Variants in GTPBP6 observed in about 807,000 individuals in gnomAD.
GTPBP6 encodes the protein GTP binding protein 6, also known as putative GTP-binding protein 6.
GTPBP6 carries 33 observed loss-of-function variants against 28.9 expected under a neutral mutation model. The ratio of observed to expected loss-of-function variants is 1.14; its 90% CI spans 0.87 to 1.53. GTPBP6 has a LOEUF of 1.53. Among genes scored for constraint, GTPBP6 ranks in the 40% most tolerant of loss-of-function variants. The pLI, the probability that GTPBP6 is intolerant of heterozygous loss-of-function variation, is 0.00. For synonymous variants in GTPBP6, 231 were observed against 192.7 expected (o/e 1.20, Z -1.65); for missense variants, 507 against 408.3 (o/e 1.24, Z -2.08).
intron 9 of GTPBP6, among the ~76,000 whole-genome samples, chrX:306,165 A>G (rs1479519777): frequency 1.3e-5 from 2 of 152,004 alleles, no homozygotes; most frequent in Non-Finnish European, 2.9e-5. Context: ...TTGACTGTCA[A>G]GTGCAGATTA....
intron 9 of GTPBP6, among the ~76,000 whole-genome samples, chrX:306,731 T>C (rs992355961): frequency 5.4e-5 from 8 of 149,128 alleles, no homozygotes; most frequent in African/African-American, 1.7e-4. Context: ...GAAATGTACA[T>C]TTTGGCTGTC....
chrX:309,478 GA>G (rs1602957689), intron 7 of GTPBP6, among the ~76,000 whole-genome samples: 2 of 151,710 alleles, frequency 1.3e-5, no homozygotes, highest in Non-Finnish European at 2.9e-5. Flanking sequence ...GAAAGAAAGA[GA>G]TGTGGGGCAG....
chrX:311,538 C>T lies in GTPBP6; in HGVS notation c.1006G>A (p.Ala336Thr), dbSNP rs200871873. The T allele has an allele frequency of 1.0e-3, 1,659 of 1,612,206 alleles. 5 individuals are homozygous for T. The highest frequency in any genetic ancestry group is 1.3e-3 in the Non-Finnish European group (1,558 of 1,179,436). The change falls in exon 7 of 10, where the codon GCG (alanine) becomes ACG (threonine). Residue 336 changes from alanine (A) to threonine (T), a missense_variant. Coordinates refer to ENST00000326153, the Ensembl canonical transcript of GTPBP6. ...GTCATGCGTGAGGGCAGCGTGCCCGCGTGGGCCGTGACGTCCAGCGTGGCA... is the reference window on the plus strand; with the variant it reads ...GTCATGCGTGAGGGCAGCGTGCCCGTGTGGGCCGTGACGTCCAGCGTGGCA...
At chrX:311,765 G>A (rs1467902713) in intron 6 of GTPBP6, 138 bp from the exon 7 acceptor site, 14 of 708,940 alleles carry the variant, frequency 2.0e-5, no homozygotes, top group South Asian at 1.2e-4. Context: ...TGAGCTCCTC[G>A]GGCACCCCGG....
chrX:312,446 G>A (rs745943269), intron 6 of GTPBP6: 1 of 570,122 alleles, frequency 1.8e-6, no homozygotes, highest in Non-Finnish European at 3.3e-6. Context: ...GTCTAGACAG[G>A]AGGATGGTGT....
At chrX:305,281 G>C in intron 9 of GTPBP6, 84 bp from the exon 10 acceptor site, 1 of 1,080,466 alleles carries the variant, frequency 9.3e-7, no homozygotes, top group Non-Finnish European at 1.4e-6. Flanking sequence ...ACGCTAAAAA[G>C]AGCTTAGCTC....
intron 5 of GTPBP6, among the ~76,000 whole-genome samples, chrX:313,279 C>A (rs2124466356): frequency 6.6e-6 from 1 of 152,354 alleles, no homozygotes; most frequent in African/African-American, 2.4e-5. Flanking sequence ...GTCCCAGAAC[C>A]TGGGAATGGG....
At position 318,681 on chromosome X, in the gene GTPBP6, AGC is replaced by A. The variant is rs1435065108; in HGVS notation, c.105_106del (p.Leu36SerfsTer68). 31 of 391,458 alleles carry A rather than the reference AGC, an allele frequency of 7.9e-5. No homozygotes were observed. Among genetic ancestry groups the A allele is most frequent in the South Asian group, 1.3e-4 (1 of 7,828 alleles). 24.2% of individuals were successfully genotyped at this position (391,458 alleles called of 1,614,324 possible). ...GGGGCTCCTGCGGCCGACAGCGGCTAGCGCGCGCGCGGGGCAGGACGGCGCGG... is the reference window on the plus strand; with the variant it reads ...GGGGCTCCTGCGGCCGACAGCGGCTAGCGCGCGCGGGGCAGGACGGCGCGG... On this transcript the variant is annotated frameshift_variant, in exon 1 of 10. Transcript: ENST00000326153. LOFTEE classifies it high-confidence loss of function.
exon 10 of GTPBP6, chrX:305,134 G>C: frequency 6.2e-7 from 1 of 1,613,516 alleles, no homozygotes; most frequent in Middle Eastern, 1.7e-4. Flanking sequence ...TGACCCTCAC[G>C]TCGGCCGCCC....
rs2070381336 is a variant in GTPBP6 at position 314,233 on chromosome X, G to T, written c.690-16C>A. The T allele has an allele frequency of 6.2e-7, 1 of 1,608,236 alleles. No individual in the cohort carries two copies. The highest frequency in any genetic ancestry group is 8.5e-7 in the Non-Finnish European group (1 of 1,174,956). On this transcript the variant is annotated splice_polypyrimidine_tract_variant and intron_variant, in intron 4 of 9. Transcript: ENST00000326153. ...CAAGTTCGACCTGGTGTGGGAACGG[G>T]AGTGGCTCGGTCTCTGCGGACGCTG...
At chrX:309,968 CACAG>C (rs1439066545) in intron 7 of GTPBP6, among the ~76,000 whole-genome samples, 2 of 137,192 alleles carry the variant, frequency 1.5e-5, no homozygotes, top group Non-Finnish European at 3.1e-5. Context: ...AGAAGAAGGC[CACAG>C]ACAGAGGCAG....
At chrX:312,081 G>A (rs1285831263) in intron 6 of GTPBP6, 7 of 450,864 alleles carry the variant, frequency 1.6e-5, no homozygotes, top group Non-Finnish European at 2.6e-5. Flanking sequence ...GAGGAGAGGC[G>A]ATGGTGTAGA....
intron 5 of GTPBP6, among the ~76,000 whole-genome samples, chrX:313,904 C>G (rs1175518585): frequency 6.9e-6 from 1 of 145,014 alleles, no homozygotes; most frequent in African/African-American, 2.5e-5. Flanking sequence ...CTGATTTAGG[C>G]AAAACCTCCA....
exon 1 of GTPBP6, chrX:318,760 G>A (rs1486294059): frequency 9.4e-4 from 295 of 313,590 alleles, no homozygotes; most frequent in African/African-American, 6.1e-3. Flanking sequence ...CGCAGCCCCG[G>A]GCGTACGGCG....
chrX:315,072 TG>T (rs1234542344), intron 3 of GTPBP6, 52 bp from the exon 4 acceptor site: 30 of 398,702 alleles, frequency 7.5e-5, no homozygotes, highest in African/African-American at 5.9e-4. Context: ...CGGGCCCTGG[TG>T]GCCAATGTGA....
Position 305,181 on chromosome X carries a change from C to CCT in GTPBP6, c.1442_1443dup (p.Ala482ArgfsTer9). ...ATCACGTCCACCTCCTGAACTGTGG[C>CCT]CTCCTTATACAGCCAGCTGGGCACA... On this transcript the variant is annotated frameshift_variant, in exon 10 of 10. Transcript: ENST00000326153. LOFTEE classifies it high-confidence loss of function. The CCT allele has an allele frequency of 6.2e-7, 1 of 1,613,578 alleles. No individual in the cohort carries two copies. Among genetic ancestry groups the CCT allele is most frequent in the Non-Finnish European group, 8.5e-7 (1 of 1,179,520 alleles).
intron 5 of GTPBP6, 136 bp downstream of exon 5, chrX:314,014 T>C: frequency 1.3e-6 from 1 of 759,992 alleles, no homozygotes; most frequent in Non-Finnish European, 2.3e-6. Flanking sequence ...GTCTCCTATG[T>C]CCTCAAATGC....
At chrX:312,387 G>T (rs750067281) in intron 6 of GTPBP6, 10 of 492,306 alleles carry the variant, frequency 2.0e-5, no homozygotes, top group South Asian at 1.5e-4. Flanking sequence ...TGGTGTAGAT[G>T]GGTGGATTGT....
At position 312,755 on chromosome X, in the gene GTPBP6, C is replaced by T. The variant is rs377623462; in HGVS notation, c.916+11G>A. On this transcript the variant is annotated intron_variant, in intron 6 of 9. Coordinates refer to ENST00000326153, the Ensembl canonical transcript of GTPBP6. ...GACCGCGGAAGGCCCCTCCCCTGGG[C>T]GCGTGCTCACCGCAGTTGGTGTACC... 9.5e-5 allele frequency: 152 copies of T among 1,595,880 alleles called. No homozygotes were observed. In the African/African-American group the frequency reaches 9.9e-4, roughly 10 times the overall value.
Sources: gnomAD v4.1 joint callset for allele counts (sites outside exome capture counted in the v4.1 genomes callset) on GRCh38, gnomAD v4.1.1 for gene constraint, MANE v1.5 for transcripts, NCBI Gene and HGNC (gene_info 2026-07-23, HGNC 2026-07-21) for gene names.